The following FAM118B variants were observed in gnomAD, a reference collection of about 807,000 sequenced individuals.
FAM118B encodes the protein SIR2 antiphage like 1.
In FAM118B, 24 loss-of-function variants were observed where a neutral mutation model predicts 38.5. That is an observed-to-expected ratio of 0.62 (90% CI 0.45 to 0.88). The LOEUF (loss-of-function observed/expected upper bound fraction) is 0.88. FAM118B is among the 40% of genes least tolerant of loss of function. The pLI, the probability that FAM118B is intolerant of heterozygous loss-of-function variation, is 0.00. For missense variants in FAM118B, 334 were observed against 420.0 expected (o/e 0.80, Z 1.79); for synonymous variants, 138 against 156.3 (o/e 0.88, Z 0.87).
At chr11:126,229,576 G>A (rs1950183258) in intron 2 of FAM118B, among the ~76,000 whole-genome samples, 2 of 151,976 alleles carry the variant, frequency 1.3e-5, no homozygotes, top group Non-Finnish European at 2.9e-5. Context: ...CCGAGTAGCT[G>A]GGATTACAGG....
chr11:126,230,806 A>G (rs150197850), intron 2 of FAM118B, among the ~76,000 whole-genome samples: 90 of 152,316 alleles, frequency 5.9e-4, no homozygotes, highest in African/African-American at 2.1e-3. Context: ...TCTCAAGTGA[A>G]GGGAAGCCCA....
intron 1 of FAM118B, among the ~76,000 whole-genome samples, chr11:126,220,533 G>A (rs1309868787): frequency 6.6e-6 from 1 of 152,056 alleles, no homozygotes; most frequent in Non-Finnish European, 1.5e-5. Context: ...GGTCAACATA[G>A]CAAGAGCCCA....
intron 1 of FAM118B, among the ~76,000 whole-genome samples, chr11:126,219,983 A>C (rs944210869): frequency 4.6e-5 from 7 of 152,222 alleles, no homozygotes; most frequent in African/African-American, 1.4e-4. Flanking sequence ...GTGTGAAAGC[A>C]GGGGCAAACT....
In FAM118B at chr11:126,262,474, T is replaced by G; in HGVS notation, c.*341T>G. 1 of 337,270 alleles carries G rather than the reference T, an allele frequency of 3.0e-6. No individual in the cohort carries two copies. Among genetic ancestry groups the G allele is most frequent in the South Asian group, 7.2e-5 (1 of 13,926 alleles). 20.9% of individuals were successfully genotyped at this position (337,270 alleles called of 1,614,324 possible). On this transcript the variant is annotated 3_prime_UTR_variant, in exon 9 of 9. Transcript: ENST00000533050. ...GCAGCTCTGCATGAAGGACTCGGGG[T>G]CTGGATGCCATGGAATCACTGTGGC... is the stretch of plus-strand genomic sequence containing the variant.
intron 4 of FAM118B, among the ~76,000 whole-genome samples, chr11:126,248,463 CGGATTCAAGCGATTCTCCT>C (rs1224838218): frequency 6.8e-6 from 1 of 147,994 alleles, no homozygotes; most frequent in African/African-American, 2.5e-5. Flanking sequence ...CTCTGCCTCC[CGGATTCAAGCGATTCTCCT>C]GCCTCAGCCT....
chr11:126,221,633 G>A (rs1950063856), intron 1 of FAM118B, among the ~76,000 whole-genome samples: 1 of 152,016 alleles, frequency 6.6e-6, no homozygotes, highest in Non-Finnish European at 1.5e-5. Flanking sequence ...AGCGTTTTGG[G>A]AGTCCTTAGC....
Position 126,262,935 on chromosome 11 carries a change from CAATT to C in FAM118B, c.*803_*806del, listed in dbSNP as rs1187418262. On this transcript the variant is annotated 3_prime_UTR_variant, in exon 9 of 9. Coordinates refer to ENST00000533050, the MANE Select transcript of FAM118B (RefSeq NM_024556.4). ...TAAAAGAACTCCAAGACCTAAAAGG[CAATT>C]TATTTATGAAATTTATTTTCTTATA... 1 of 152,602 alleles carries C rather than the reference CAATT, an allele frequency of 6.6e-6. No individual in the cohort carries two copies. The highest frequency in any genetic ancestry group is 1.5e-5 in the Non-Finnish European group (1 of 68,038). The allele number at this position is 152,602 out of a possible 1,614,324, so 9.5% of individuals were successfully genotyped here. A position where few individuals can be genotyped will look rare whatever the true frequency, so the allele number is the denominator to read the frequency against.
At chr11:126,215,233 A>G (rs1242407984) in intron 1 of FAM118B, among the ~76,000 whole-genome samples, 2 of 152,216 alleles carry the variant, frequency 1.3e-5, no homozygotes, top group East Asian at 3.8e-4. Flanking sequence ...TGATACTGAA[A>G]TACTTCTCTT....
chr11:126,213,949 G>A (rs927449039), intron 1 of FAM118B, among the ~76,000 whole-genome samples: 18 of 152,208 alleles, frequency 1.2e-4, no homozygotes, highest in African/African-American at 4.1e-4. Context: ...TGTTTGGTAT[G>A]ACAGTGCAGC....
intron 4 of FAM118B, among the ~76,000 whole-genome samples, chr11:126,249,297 A>C (rs1226783193): frequency 6.6e-6 from 1 of 152,214 alleles, no homozygotes; most frequent in Non-Finnish European, 1.5e-5. Context: ...AATTTAAAAA[A>C]CGTATTAAAT....
intron 8 of FAM118B, 74 bp downstream of exon 8, chr11:126,261,558 G>A: frequency 7.7e-7 from 1 of 1,303,244 alleles, no homozygotes; most frequent in Non-Finnish European, 1.1e-6. Flanking sequence ...TAAGAATATA[G>A]AGAATGTTAC....
At chr11:126,230,573 C>G (rs973845688) in intron 2 of FAM118B, among the ~76,000 whole-genome samples, 1 of 152,204 alleles carries the variant, frequency 6.6e-6, no homozygotes, top group Non-Finnish European at 1.5e-5. Context: ...GTACCACTTT[C>G]TCAAGCTGGT....
At chr11:126,242,444 T>C (rs1397189931) in intron 4 of FAM118B, among the ~76,000 whole-genome samples, 2 of 150,710 alleles carry the variant, frequency 1.3e-5, no homozygotes, top group Admixed American at 6.6e-5. Flanking sequence ...AAAAAAAAAG[T>C]GAAAAGACAG....
chr11:126,240,714 A>T, intron 3 of FAM118B, 78 bp from the exon 4 acceptor site: 1 of 1,411,704 alleles, frequency 7.1e-7, no homozygotes, highest in Non-Finnish European at 9.5e-7. Context: ...TAAAAACTGT[A>T]ACCTGAGTCA....
rs1033561381 is a variant in FAM118B at position 126,244,557 on chromosome 11, G to A, written c.339+3513G>A. Among the ~76,000 whole-genome samples, 1 of 152,140 alleles carries A rather than the reference G, an allele frequency of 6.6e-6. No individual in the cohort carries two copies. The highest frequency in any genetic ancestry group is 1.5e-5 in the Non-Finnish European group (1 of 68,024). ...GGTGGCCCATGCCTGTTGTCTCAGC[G>A]CTTTGGGAGGCCGAGGTGGGCGGAT... On this transcript the variant is annotated intron_variant, in intron 4 of 8. Transcript: ENST00000533050. The surrounding 1 kb of genome is among the most constrained non-coding windows in gnomAD (Gnocchi z 4.5).
rs1016501527 is a variant in FAM118B at position 126,262,198 on chromosome 11, C to T, written c.*65C>T. On this transcript the variant is annotated 3_prime_UTR_variant, in exon 9 of 9. Transcript: ENST00000533050. ...AGGCCCTACTACAGACAGTGTTTAA[C>T]AAGTAAACTTACAAGAACCCAACAC... The T allele has an allele frequency of 6.4e-7, 1 of 1,556,966 alleles. No individual in the cohort carries two copies.
chr11:126,241,096 ATCACAACTAGCATGATTTGGCTG>A, intron 4 of FAM118B, 52 bp downstream of exon 4: 32 of 1,502,894 alleles, frequency 2.1e-5, no homozygotes, highest in Non-Finnish European at 2.8e-5. Flanking sequence ...AAATTTAACT[ATCACAACTAGCATGATTTGGCTG>A]TCAAAACTAG....
At chr11:126,261,324 T>C in intron 7 of FAM118B, 101 bp from the exon 8 acceptor site, 1 of 899,746 alleles carries the variant, frequency 1.1e-6, no homozygotes. Context: ...CCCATTCCTT[T>C]TCAGTCGTAC....
In FAM118B at chr11:126,250,050, C is replaced by G. The variant is rs1485123085; in HGVS notation, c.340-456C>G. The stretch of plus-strand genomic sequence containing the variant: ...ACTTGGCATGTATCATCTCATCTTC[C>G]TTATTACGTTCGTATGAGATAGATA... On this transcript the variant is annotated intron_variant, in intron 4 of 8. Coordinates refer to ENST00000533050, the MANE Select transcript of FAM118B (RefSeq NM_024556.4). The surrounding 1 kb of genome is among the most constrained non-coding windows in gnomAD (Gnocchi z 5.1). Among the ~76,000 whole-genome samples, 1 of 151,746 alleles carries G rather than the reference C, an allele frequency of 6.6e-6. No homozygotes were observed. The highest frequency in any genetic ancestry group is 2.4e-5 in the African/African-American group (1 of 41,362).
Sources: gnomAD v4.1 joint callset for allele counts (sites outside exome capture counted in the v4.1 genomes callset) on GRCh38, gnomAD v4.1.1 for gene constraint, Gnocchi (gnomAD v3.1) non-coding constraint, MANE v1.5 for transcripts, NCBI Gene and HGNC (gene_info 2026-07-23, HGNC 2026-07-21) for gene names.